Variants in SNTG1 observed in about 807,000 individuals in gnomAD.
SNTG1 encodes the protein gamma-1-syntrophin.
In SNTG1, 39 loss-of-function variants were observed where a neutral mutation model predicts 74.7. The observed-to-expected ratio is 0.52, with a 90% CI of 0.40 to 0.68. SNTG1 has a LOEUF of 0.68. Ranked by LOEUF, SNTG1 falls within the 30% of genes least tolerant of loss-of-function variation. The pLI, the probability that SNTG1 is intolerant of heterozygous loss-of-function variation, is 0.00. For synonymous variants in SNTG1, 254 were observed against 217.1 expected (o/e 1.17, Z -1.49); for missense variants, 685 against 609.5 (o/e 1.12, Z -1.30).
intron 18 of SNTG1, among the ~76,000 whole-genome samples, chr8:50,770,974 G>T (rs1351359909): frequency 6.6e-6 from 1 of 152,012 alleles, no homozygotes; most frequent in Non-Finnish European, 1.5e-5. Context: ...ACCATAATCA[G>T]AGCCAAATAA....
chr8:50,630,175 G>T (rs796633640), intron 13 of SNTG1, among the ~76,000 whole-genome samples: 6 of 152,154 alleles, frequency 3.9e-5, no homozygotes, highest in African/African-American at 1.4e-4. Context: ...ATAAAATGAG[G>T]CTTGAAATAT....
intron 1 of SNTG1, among the ~76,000 whole-genome samples, chr8:50,145,824 T>C (rs542077569): frequency 1.4e-4 from 21 of 151,984 alleles, no homozygotes; most frequent in African/African-American, 5.1e-4. Flanking sequence ...TAGATATATA[T>C]TTTTGAATAA....
At chr8:50,297,589 G>T (rs914911236) in intron 2 of SNTG1, among the ~76,000 whole-genome samples, 1 of 152,162 alleles carries the variant, frequency 6.6e-6, no homozygotes, top group Non-Finnish European at 1.5e-5. Flanking sequence ...AGTCCAGATG[G>T]CCCCTAAGTG....
intron 1 of SNTG1, among the ~76,000 whole-genome samples, chr8:49,989,806 A>G (rs550576880): frequency 2.1e-4 from 32 of 152,064 alleles, no homozygotes; most frequent in African/African-American, 7.2e-4. Flanking sequence ...TAAAAACCAA[A>G]CAATGTAATA....
intron 2 of SNTG1, among the ~76,000 whole-genome samples, chr8:50,344,205 A>G (rs1217836809): frequency 1.3e-5 from 2 of 152,204 alleles, no homozygotes; most frequent in African/African-American, 4.8e-5. Flanking sequence ...TATACCTTAT[A>G]TATACACCAT....
chr8:50,554,592 G>A (rs1387445784), intron 12 of SNTG1, among the ~76,000 whole-genome samples: 1 of 151,482 alleles, frequency 6.6e-6, no homozygotes, highest in Non-Finnish European at 1.5e-5. Flanking sequence ...GCAAGAGTGA[G>A]CTCTCACTCC....
intron 1 of SNTG1, among the ~76,000 whole-genome samples, chr8:50,137,884 T>A (rs1174265044): frequency 6.6e-6 from 1 of 152,074 alleles, no homozygotes. Context: ...TGACTCCTCT[T>A]GGAGTGACTC....
At chr8:50,130,591 G>A (rs1197243926) in intron 1 of SNTG1, among the ~76,000 whole-genome samples, 1 of 151,894 alleles carries the variant, frequency 6.6e-6, no homozygotes, top group Non-Finnish European at 1.5e-5. Flanking sequence ...CCTTTCCTGC[G>A]TTCACACTTT....
chr8:50,565,443 G>A (rs1424304505), intron 12 of SNTG1, among the ~76,000 whole-genome samples: 1 of 151,988 alleles, frequency 6.6e-6, no homozygotes, highest in Non-Finnish European at 1.5e-5. Flanking sequence ...TGGCAACTCT[G>A]TTCTATAACT....
intron 13 of SNTG1, among the ~76,000 whole-genome samples, chr8:50,627,444 C>A (rs966281802): frequency 1.3e-5 from 2 of 152,170 alleles, no homozygotes; most frequent in African/African-American, 4.8e-5. Context: ...TTCACAACAG[C>A]ATTTTGGAAG....
chr8:50,741,660 T>C (rs1331946593), intron 17 of SNTG1, among the ~76,000 whole-genome samples: 1 of 151,940 alleles, frequency 6.6e-6, no homozygotes, highest in African/African-American at 2.4e-5. Context: ...ATAACTAAAC[T>C]ATGGTATACC....
chr8:50,026,617 A>T (rs544607019), intron 1 of SNTG1, among the ~76,000 whole-genome samples: 1 of 152,250 alleles, frequency 6.6e-6, no homozygotes, highest in African/African-American at 2.4e-5. Context: ...CCATACATTT[A>T]AAAATAGACC....
At chr8:50,644,418 T>C (rs1455600119) in intron 13 of SNTG1, 1 of 152,196 alleles carries the variant, frequency 6.6e-6, no homozygotes, top group Non-Finnish European at 1.5e-5. Flanking sequence ...ACAATGAAGA[T>C]GAAGAGCTTT....
At chr8:50,606,665 A>G (rs984355996) in intron 13 of SNTG1, among the ~76,000 whole-genome samples, 1 of 151,834 alleles carries the variant, frequency 6.6e-6, no homozygotes, top group Admixed American at 6.6e-5. Flanking sequence ...AGGGGAAATC[A>G]TTAAATATTT....
intron 4 of SNTG1, among the ~76,000 whole-genome samples, chr8:50,426,332 C>G (rs1034224086): frequency 1.3e-5 from 2 of 152,016 alleles, no homozygotes; most frequent in African/African-American, 4.8e-5. Context: ...TATATTACAG[C>G]GTATCATAAG....
intron 16 of SNTG1, among the ~76,000 whole-genome samples, chr8:50,705,852 A>G (rs2131536820): frequency 6.6e-6 from 1 of 152,354 alleles, no homozygotes; most frequent in Non-Finnish European, 1.5e-5. Context: ...CTGACCTCAA[A>G]CAGACCTGTG....
intron 1 of SNTG1, among the ~76,000 whole-genome samples, chr8:50,038,187 C>G (rs752675712): frequency 3.5e-4 from 54 of 152,298 alleles, no homozygotes; most frequent in Non-Finnish European, 2.9e-4. Flanking sequence ...ACGTGGAAAA[C>G]AATCACTCTT....
chr8:50,363,420 T>C (rs1189396066), intron 2 of SNTG1, among the ~76,000 whole-genome samples: 3 of 152,244 alleles, frequency 2.0e-5, no homozygotes, highest in African/African-American at 7.2e-5. Flanking sequence ...TGCAAGCTGA[T>C]CTAGGGAACT....
chr8:50,479,072 C>T lies in SNTG1; in HGVS notation c.364-23706C>T, dbSNP rs567881295. On this transcript the variant is annotated intron_variant, in intron 8 of 18. Coordinates refer to ENST00000642720, the MANE Select transcript of SNTG1 (RefSeq NM_018967.5). ...TTTCATAGATGAGAAAGATGCAATG[C>T]GGAGAGATTAAATCAATTGCCCAGG... 7.2e-5 allele frequency among the ~76,000 whole-genome samples: 11 copies of T among 151,956 alleles called. No individual in the cohort carries two copies. The East Asian group carries it at 7.7e-4, about 11-fold the overall frequency.
Sources: allele counts gnomAD v4.1 joint callset (sites outside exome capture counted in the v4.1 genomes callset), GRCh38; gene constraint gnomAD v4.1.1; transcripts MANE v1.5; gene names NCBI Gene and HGNC (gene_info 2026-07-23, HGNC 2026-07-21).